PHKB: variants seen among roughly 807,000 people sequenced by gnomAD.
The protein encoded by PHKB is phosphorylase kinase regulatory subunit beta.
Under a neutral mutation model 152.1 loss-of-function variants are expected in PHKB, and 122 were observed. That is an observed-to-expected ratio of 0.80 (90% confidence interval 0.69 to 0.93). The LOEUF (loss-of-function observed/expected upper bound fraction) is 0.93, where lower values mean the gene tolerates loss of function less well. PHKB is among the 40% of genes least tolerant of loss of function. The probability of loss-of-function intolerance (pLI) is 0.00; values close to 1 mark genes in which losing one functional copy is unlikely to be tolerated. For synonymous variants in PHKB, 436 were observed against 464.9 expected, an observed-to-expected ratio of 0.94 and a Z score of 0.80; for missense variants, 1,304 against 1,328.4, an observed-to-expected ratio of 0.98 and a Z score of 0.29.
At chr16:47,572,613 G>A (rs1971680820) in intron 7 of PHKB, among the ~76,000 whole-genome samples, 1 of 152,144 alleles carries the variant, frequency 6.6e-6, no homozygotes, top group Admixed American at 6.5e-5. Context: ...AGCTGGGCAA[G>A]GCTGACCTGT....
At chr16:47,674,360 G>A (rs1323933749) in intron 26 of PHKB, among the ~76,000 whole-genome samples, 1 of 152,136 alleles carries the variant, frequency 6.6e-6, no homozygotes, top group Non-Finnish European at 1.5e-5. Flanking sequence ...TTGTGTTGGT[G>A]CAAAAGTAAT....
intron 1 of PHKB, chr16:47,462,088 C>G (rs577749158): frequency 1.3e-5 from 2 of 152,368 alleles, no homozygotes; most frequent in South Asian, 4.1e-4. Flanking sequence ...TTAACAGTTC[C>G]AAGTGTCCCG....
Position 47,522,247 on chromosome 16 carries a change from A to G in PHKB, c.594+6646A>G, listed in dbSNP as rs553703237. ...ATTACCATTTCTCTTCAGATTTTCT[A>G]TTTCTTCTTCAGTCAGTTTTAGTAG... is the stretch of plus-strand genomic sequence containing the variant. On this transcript the variant is annotated intron_variant, in intron 6 of 30. Coordinates refer to ENST00000323584, the MANE Select transcript of PHKB (RefSeq NM_000293.3). Among the ~76,000 whole-genome samples the G allele has an allele frequency of 4.6e-5, 7 of 151,926 alleles. No homozygotes were observed. In the East Asian group the frequency reaches 7.7e-4, roughly 17 times the overall value.
At position 47,663,710 on chromosome 16, in the gene PHKB, G is replaced by A. The variant is rs1281119325; in HGVS notation, c.2312G>A (p.Arg771Lys). 3.7e-6 allele frequency: 6 copies of A among 1,611,896 alleles called. No individual in the cohort carries two copies. The Admixed American group carries it at 5.0e-5, about 13-fold the overall frequency. The change falls in exon 24 of 31, where the codon AGA (arginine) becomes AAA (lysine). Residue 771 changes from arginine to lysine, a missense_variant. Arg to Lys is a conservative substitution (Grantham distance 26, BLOSUM62 2). Transcript: ENST00000323584. ...TVSDHIERVY[R>K]RAGSQKLWLA... ...TCTGATCACATTGAGAGAGTCTATA[G>A]AAGAGCTGGCAGCCAAAAACTTTGG...
At chr16:47,537,923 C>T (rs910949127) in intron 6 of PHKB, among the ~76,000 whole-genome samples, 18 of 151,574 alleles carry the variant, frequency 1.2e-4, no homozygotes, top group Non-Finnish European at 2.5e-4. Context: ...GAGGCAAGGT[C>T]TCTCTCTGTC....
rs577170739 is a variant in PHKB, at chr16:47,663,833, A to G, written c.2336+99A>G. 93 of 799,872 alleles carry G rather than the reference A, an allele frequency of 1.2e-4. No individual in the cohort carries two copies. The South Asian group carries it at 1.2e-3, about 11-fold the overall frequency. 49.5% of individuals were successfully genotyped at this position (799,872 alleles called of 1,614,324 possible). A position where few individuals can be genotyped will look rare whatever the true frequency, so the allele number is the denominator to read the frequency against. On this transcript the variant is annotated intron_variant, in intron 24 of 30. Transcript: ENST00000323584. Reference sequence around the variant, plus strand: ...AATATTAAAGATAGTTATTCATCCTAATTTTTACTTTTAACCTCCAAGGTT... The same window carrying G: ...AATATTAAAGATAGTTATTCATCCTGATTTTTACTTTTAACCTCCAAGGTT...
chr16:47,471,050 A>G (rs1969758041), intron 1 of PHKB, among the ~76,000 whole-genome samples: 1 of 152,170 alleles, frequency 6.6e-6, no homozygotes, highest in South Asian at 2.1e-4. Context: ...TTTTTCTAAA[A>G]TGAACTAACC....
chr16:47,691,369 T>C (rs1394789221), intron 27 of PHKB, among the ~76,000 whole-genome samples: 1 of 152,184 alleles, frequency 6.6e-6, no homozygotes, highest in Non-Finnish European at 1.5e-5. Context: ...ATTGTATCAT[T>C]GTTTACTCCC....
Position 47,646,993 on chromosome 16 carries a change from C to G in PHKB, c.1609-1540C>G, listed in dbSNP as rs1973140701. Among the ~76,000 whole-genome samples the G allele has an allele frequency of 3.3e-5, 5 of 152,212 alleles. No individual in the cohort carries two copies. The South Asian group carries it at 1.0e-3, about 32-fold the overall frequency. Reference sequence around the variant, plus strand: ...ACATTGATTAACTCCTAATTCATTCCAAGACTATCTGTTTTTAACCTTATA... The same window carrying G: ...ACATTGATTAACTCCTAATTCATTCGAAGACTATCTGTTTTTAACCTTATA... On this transcript the variant is annotated intron_variant, in intron 16 of 30. Coordinates refer to ENST00000323584, the MANE Select transcript of PHKB (RefSeq NM_000293.3).
Position 47,546,131 on chromosome 16 carries a change from G to A in PHKB, c.595-1302G>A, listed in dbSNP as rs867905555. 7.9e-5 allele frequency among the ~76,000 whole-genome samples: 12 copies of A among 151,994 alleles called. No homozygotes were observed. The South Asian group carries it at 1.5e-3, about 18-fold the overall frequency. On this transcript the variant is annotated intron_variant, in intron 6 of 30. Transcript: ENST00000323584. Reference sequence around the variant, plus strand: ...GTCATTCTCCATCCAGCTTTTTTCCGTTGCTGGTGAGGAGCTACGGTTCTT... The same window carrying A: ...GTCATTCTCCATCCAGCTTTTTTCCATTGCTGGTGAGGAGCTACGGTTCTT...
chr16:47,479,628 A>G (rs903969397), intron 1 of PHKB, among the ~76,000 whole-genome samples: 1 of 152,168 alleles, frequency 6.6e-6, no homozygotes, highest in Non-Finnish European at 1.5e-5. Context: ...GAAGAGCAGA[A>G]GTCTATCTAC....
At chr16:47,492,559 G>C (rs927509351) in intron 1 of PHKB, among the ~76,000 whole-genome samples, 5 of 152,310 alleles carry the variant, frequency 3.3e-5, no homozygotes, top group East Asian at 3.9e-4. Flanking sequence ...GGAGCGGAAG[G>C]CTCTATGGAT....
At chr16:47,510,828 CTT>C (rs1053862772) in intron 4 of PHKB, among the ~76,000 whole-genome samples, 1 of 152,092 alleles carries the variant, frequency 6.6e-6, no homozygotes, top group African/African-American at 2.4e-5. Flanking sequence ...ACTTATTTCT[CTT>C]ATTTCTCTTT....
chr16:47,544,768 G>T (rs771408266), intron 6 of PHKB, among the ~76,000 whole-genome samples: 1 of 152,152 alleles, frequency 6.6e-6, no homozygotes, highest in African/African-American at 2.4e-5. Context: ...GAATCTAGGT[G>T]CTCCTGTATT....
chr16:47,464,688 A>G lies in PHKB; in HGVS notation c.76+3262A>G, dbSNP rs141957106. Among the ~76,000 whole-genome samples the G allele has an allele frequency of 6.4e-4, 98 of 152,340 alleles. 1 individual carries two copies. Among genetic ancestry groups the G allele is most frequent in the African/African-American group, 2.1e-3 (88 of 41,588 alleles). ...CATTAGCAACCAGGCCTTTGGATGT[A>G]TTCAGTGTCACTTTACAGAACAAGC... On this transcript the variant is annotated intron_variant, in intron 1 of 30. Transcript: ENST00000323584.
chr16:47,641,127 G>A, intron 15 of PHKB, 37 bp downstream of exon 15: 1 of 1,440,380 alleles, frequency 6.9e-7, no homozygotes, highest in Non-Finnish European at 9.8e-7. Flanking sequence ...TTTTTTGTGG[G>A]GAGGGGAGGG....
chr16:47,594,428 G>T (rs1972083300), intron 12 of PHKB, among the ~76,000 whole-genome samples: 1 of 152,176 alleles, frequency 6.6e-6, no homozygotes, highest in Non-Finnish European at 1.5e-5. Flanking sequence ...TAGTTTGTCA[G>T]GTGGACTGAG....
At chr16:47,553,927 G>T (rs1228391298) in intron 7 of PHKB, among the ~76,000 whole-genome samples, 1 of 152,096 alleles carries the variant, frequency 6.6e-6, no homozygotes, top group East Asian at 1.9e-4. Context: ...TCCCAGAGGG[G>T]CACCCGCCAG....
chr16:47,594,864 C>CT (rs1972091217), intron 12 of PHKB, among the ~76,000 whole-genome samples: 1 of 152,154 alleles, frequency 6.6e-6, no homozygotes, highest in African/African-American at 2.4e-5. Flanking sequence ...GTCTTTGGGG[C>CT]TTTAAAGTAT....
Sources: gnomAD v4.1 joint callset for allele counts (sites outside exome capture counted in the v4.1 genomes callset) on GRCh38, gnomAD v4.1.1 for gene constraint, MANE v1.5 for transcripts, NCBI Gene and HGNC (gene_info 2026-07-23, HGNC 2026-07-21) for gene names.